Variants in OPCML observed in about 807,000 individuals in gnomAD.
OPCML encodes the protein opioid binding protein/cell adhesion molecule like, also known as opioid-binding protein/cell adhesion molecule.
Under a neutral mutation model 37.8 loss-of-function variants are expected in OPCML, and 13 were observed. The observed-to-expected ratio is 0.34, with a 90% confidence interval of 0.22 to 0.55. OPCML has a LOEUF of 0.55. Among genes scored for constraint, OPCML ranks in the 20% least tolerant of loss-of-function variants. OPCML has a pLI of 0.91. For missense variants in OPCML, 341 were observed against 435.6 expected, an observed-to-expected ratio of 0.78 and a Z score of 1.93; for synonymous variants, 176 against 168.8, an observed-to-expected ratio of 1.04 and a Z score of -0.33.
chr11:133,093,773 C>T (rs893208436), intron 1 of OPCML, among the ~76,000 whole-genome samples: 6 of 119,690 alleles, frequency 5.0e-5, no homozygotes, highest in South Asian at 5.6e-4. Flanking sequence ...GCAATCTGTA[C>T]TTATTTTTTT....
intron 1 of OPCML, among the ~76,000 whole-genome samples, chr11:133,498,579 C>T (rs1829946673): frequency 6.6e-6 from 1 of 152,196 alleles, no homozygotes; most frequent in African/African-American, 2.4e-5. Flanking sequence ...GGGTCCTTCT[C>T]CCCACCCATC....
intron 1 of OPCML, among the ~76,000 whole-genome samples, chr11:133,127,853 A>G (rs559985381): frequency 1.3e-5 from 2 of 152,152 alleles, no homozygotes; most frequent in Non-Finnish European, 2.9e-5. Flanking sequence ...TCATATGGAC[A>G]TAAGAGATAA....
At chr11:133,418,105 T>C in intron 1 of OPCML, 2 of 985,404 alleles carry the variant, frequency 2.0e-6, no homozygotes, top group Non-Finnish European at 2.4e-6. Flanking sequence ...TTCGGAGGAC[T>C]GGTAAGAATA....
intron 3 of OPCML, among the ~76,000 whole-genome samples, chr11:132,584,068 A>G (rs1056683361): frequency 1.3e-5 from 2 of 152,182 alleles, no homozygotes; most frequent in African/African-American, 4.8e-5. Flanking sequence ...TAACTTGACA[A>G]TATAGAAGAC....
chr11:133,271,052 C>A (rs1438035065), intron 1 of OPCML, among the ~76,000 whole-genome samples: 1 of 152,122 alleles, frequency 6.6e-6, no homozygotes, highest in African/African-American at 2.4e-5. Context: ...TTACGCTGAT[C>A]TAACACAGTA....
chr11:133,404,881 A>G (rs1945493257), intron 1 of OPCML, among the ~76,000 whole-genome samples: 1 of 152,276 alleles, frequency 6.6e-6, no homozygotes, highest in Non-Finnish European at 1.5e-5. Context: ...ACAAACAGAT[A>G]ATATCAATGC....
chr11:133,061,201 T>A (rs149208082), intron 1 of OPCML, among the ~76,000 whole-genome samples: 7 of 152,298 alleles, frequency 4.6e-5, no homozygotes, highest in Middle Eastern at 6.8e-3. Flanking sequence ...ATCATTTTGG[T>A]TGACTGCAAG....
At chr11:132,598,948 C>T (rs116195000) in intron 3 of OPCML, among the ~76,000 whole-genome samples, 6 of 152,098 alleles carry the variant, frequency 3.9e-5, no homozygotes, top group South Asian at 2.1e-4. Flanking sequence ...TTACTAGTTC[C>T]GTGATCAACT....
intron 1 of OPCML, among the ~76,000 whole-genome samples, chr11:133,113,673 G>A (rs942382092): frequency 1.3e-5 from 2 of 152,152 alleles, no homozygotes; most frequent in African/African-American, 2.4e-5. Context: ...GAAGGATAAG[G>A]CAATTTTGAT....
chr11:132,907,606 G>A (rs542387222), intron 2 of OPCML, among the ~76,000 whole-genome samples: 35 of 151,174 alleles, frequency 2.3e-4, no homozygotes, highest in Admixed American at 6.6e-4. Flanking sequence ...ACTCCAGCCT[G>A]GTGACAGAGC....
intron 1 of OPCML, among the ~76,000 whole-genome samples, chr11:133,225,653 A>T (rs1202845175): frequency 6.6e-6 from 1 of 152,180 alleles, no homozygotes; most frequent in African/African-American, 2.4e-5. Flanking sequence ...ACAAAACAAA[A>T]CAAAAGAAAA....
At chr11:133,156,408 G>A (rs1272264531) in intron 1 of OPCML, among the ~76,000 whole-genome samples, 3 of 152,132 alleles carry the variant, frequency 2.0e-5, no homozygotes, top group Non-Finnish European at 4.4e-5. Context: ...CTGTGGGGAG[G>A]GCGAGCCCCT....
At chr11:133,424,344 GT>G (rs1368589590) in intron 1 of OPCML, among the ~76,000 whole-genome samples, 3 of 152,098 alleles carry the variant, frequency 2.0e-5, no homozygotes, top group Non-Finnish European at 2.9e-5. Flanking sequence ...TTAAAATAGT[GT>G]TTATTTTCTG....
chr11:133,001,164 A>G lies in OPCML; in HGVS notation c.62-58154T>C, dbSNP rs536349247. ...AATAATGATGCAAACTGACTGACACATGGTTGGACAGGGGTCTTTAAAAAG... is the reference window on the plus strand; with the variant it reads ...AATAATGATGCAAACTGACTGACACGTGGTTGGACAGGGGTCTTTAAAAAG... On this transcript the variant is annotated intron_variant, in intron 1 of 7. Coordinates refer to ENST00000524381, the MANE Select transcript of OPCML (RefSeq NM_001012393.5). 5.9e-5 allele frequency among the ~76,000 whole-genome samples: 9 copies of G among 152,316 alleles called. No homozygotes were observed. In the South Asian group the frequency reaches 1.9e-3, roughly 32 times the overall value.
intron 1 of OPCML, among the ~76,000 whole-genome samples, chr11:133,096,913 C>T (rs568731083): frequency 6.6e-6 from 1 of 152,078 alleles, no homozygotes; most frequent in South Asian, 2.1e-4. Context: ...CTGATAGAAC[C>T]GCAAGGAGAA....
At chr11:132,802,120 T>C (rs1256985191) in intron 2 of OPCML, among the ~76,000 whole-genome samples, 1 of 152,200 alleles carries the variant, frequency 6.6e-6, no homozygotes, top group Non-Finnish European at 1.5e-5. Context: ...GAAAATCTTA[T>C]GCTTCTGACT....
At chr11:132,483,287 G>C (rs2096187494) in intron 4 of OPCML, among the ~76,000 whole-genome samples, 1 of 150,592 alleles carries the variant, frequency 6.6e-6, no homozygotes, top group Admixed American at 6.6e-5. Context: ...CAGACAAACA[G>C]CCAAATCATG....
chr11:132,886,379 TG>T (rs1400040931), intron 2 of OPCML, among the ~76,000 whole-genome samples: 2 of 152,174 alleles, frequency 1.3e-5, no homozygotes, highest in East Asian at 3.9e-4. Context: ...CTATGATGCC[TG>T]GGGCCTCAGC....
chr11:132,802,084 C>T (rs1938688255), intron 2 of OPCML, among the ~76,000 whole-genome samples: 1 of 152,126 alleles, frequency 6.6e-6, no homozygotes, highest in South Asian at 2.1e-4. Flanking sequence ...TCATTTTGGG[C>T]TACTCCCTTT....
Sources: gnomAD v4.1 joint callset for allele counts (sites outside exome capture counted in the v4.1 genomes callset) on GRCh38, gnomAD v4.1.1 for gene constraint, MANE v1.5 for transcripts, NCBI Gene and HGNC (gene_info 2026-07-23, HGNC 2026-07-21) for gene names.